The following PRKG1 variants were observed in gnomAD, a reference collection of about 807,000 sequenced individuals.
PRKG1 encodes the protein protein kinase cGMP-dependent 1.
Under a neutral mutation model 88.1 loss-of-function variants are expected in PRKG1, and 35 were observed. That is an observed-to-expected ratio of 0.40 (90% CI 0.30 to 0.53). The LOEUF (loss-of-function observed/expected upper bound fraction) is 0.53. Among genes scored for constraint, PRKG1 ranks in the 20% least tolerant of loss-of-function variants. PRKG1 has a pLI of 0.59. For synonymous variants in PRKG1, 303 were observed against 292.5 expected (o/e 1.04, Z -0.37); for missense variants, 540 against 839.8 (o/e 0.64, Z 4.41).
intron 1 of PRKG1, among the ~76,000 whole-genome samples, chr10:50,992,952 G>A (rs1431035300): frequency 6.6e-6 from 1 of 151,988 alleles, no homozygotes; most frequent in African/African-American, 2.4e-5. Context: ...GGGCCCTCAG[G>A]GGACTCCTAA....
rs1032911570 is a variant in PRKG1 at position 51,321,361 on chromosome 10, A to C, written c.479-146362A>C. ...ATGCTTTGCACAGTACATGGCACAT[A>C]AGAAGCAAACAATAACTATTAACCA... On this transcript the variant is annotated intron_variant, in intron 2 of 17. Transcript: ENST00000373980. Among the ~76,000 whole-genome samples, 5 of 152,334 alleles carry C rather than the reference A, an allele frequency of 3.3e-5. No individual in the cohort carries two copies. In the East Asian group the frequency reaches 9.6e-4, roughly 29 times the overall value.
chr10:51,200,413 G>A (rs944472134), intron 2 of PRKG1, among the ~76,000 whole-genome samples: 2 of 152,206 alleles, frequency 1.3e-5, no homozygotes, highest in Non-Finnish European at 2.9e-5. Context: ...AGATTATGAA[G>A]GGTTTGAATG....
At chr10:51,816,424 T>G (rs1564658653) in intron 4 of PRKG1, among the ~76,000 whole-genome samples, 1 of 152,132 alleles carries the variant, frequency 6.6e-6, no homozygotes, top group Non-Finnish European at 1.5e-5. Flanking sequence ...AAAAGTAATG[T>G]CAATTGGTGA....
chr10:51,181,649 C>A lies in PRKG1; in HGVS notation c.478+28319C>A, dbSNP rs567597874. Among the ~76,000 whole-genome samples, 234 of 152,282 alleles carry A rather than the reference C, an allele frequency of 1.5e-3. 1 individual carries two copies. The highest frequency in any genetic ancestry group is 5.6e-3 in the African/African-American group (232 of 41,566). ...TCAGAACTACATTTAGTGATACTCACCATGTGCCAGACACTGTTCTTAGTA... is the reference window on the plus strand; with the variant it reads ...TCAGAACTACATTTAGTGATACTCAACATGTGCCAGACACTGTTCTTAGTA... On this transcript the variant is annotated intron_variant, in intron 2 of 17. Coordinates refer to ENST00000373980, the MANE Select transcript of PRKG1 (RefSeq NM_006258.4).
intron 3 of PRKG1, among the ~76,000 whole-genome samples, chr10:51,601,713 C>G (rs925668988): frequency 3.6e-5 from 3 of 84,186 alleles, no homozygotes; most frequent in Non-Finnish European, 7.1e-5. Context: ...AATAAAGTGG[C>G]AGATTGAATT....
chr10:51,907,237 G>A (rs187480547), intron 4 of PRKG1, among the ~76,000 whole-genome samples: 8 of 152,170 alleles, frequency 5.3e-5, no homozygotes, highest in Admixed American at 5.2e-4. Context: ...ACAGTGATTT[G>A]GACTCAGTCT....
At chr10:51,741,145 GA>G (rs35810235) in intron 3 of PRKG1, among the ~76,000 whole-genome samples, 33 of 147,536 alleles carry the variant, frequency 2.2e-4, no homozygotes, top group Admixed American at 4.7e-4. Context: ...AACCTTTGGT[GA>G]AAAAAAAAAG....
intron 3 of PRKG1, among the ~76,000 whole-genome samples, chr10:51,502,060 CA>C (rs919753658): frequency 6.6e-5 from 10 of 151,990 alleles, no homozygotes; most frequent in Admixed American, 3.9e-4. Flanking sequence ...CACAAATAAA[CA>C]AAAAAATACT....
chr10:52,124,569 A>G (rs1847889159), intron 7 of PRKG1, among the ~76,000 whole-genome samples: 1 of 152,160 alleles, frequency 6.6e-6, no homozygotes, highest in South Asian at 2.1e-4. Context: ...ATTACTGTAC[A>G]CCACTGTAGA....
At chr10:51,254,786 G>T (rs1394710449) in intron 2 of PRKG1, among the ~76,000 whole-genome samples, 1 of 151,970 alleles carries the variant, frequency 6.6e-6, no homozygotes, top group Non-Finnish European at 1.5e-5. Flanking sequence ...GAAAAACTGA[G>T]ATTTTCATTG....
At chr10:51,894,624 G>A (rs1841799176) in intron 4 of PRKG1, among the ~76,000 whole-genome samples, 1 of 152,066 alleles carries the variant, frequency 6.6e-6, no homozygotes, top group Admixed American at 6.6e-5. Context: ...CTTGAATCAG[G>A]GTATCCAATG....
chr10:51,316,422 G>T (rs369205993), intron 2 of PRKG1, among the ~76,000 whole-genome samples: 1 of 152,136 alleles, frequency 6.6e-6, no homozygotes, highest in African/African-American at 2.4e-5. Flanking sequence ...AGTGGCTCAC[G>T]CCTGTAATTC....
chr10:51,445,599 T>C (rs545365830), intron 2 of PRKG1, among the ~76,000 whole-genome samples: 5 of 152,088 alleles, frequency 3.3e-5, no homozygotes, highest in African/African-American at 1.2e-4. Context: ...AAGTAGTTAA[T>C]TTGTAGAAAA....
At chr10:51,909,104 AGG>A (rs1445283071) in intron 5 of PRKG1, 6 of 152,206 alleles carry the variant, frequency 3.9e-5, no homozygotes, top group Admixed American at 3.9e-4. Context: ...AGAGAAAGAG[AGG>A]AATCAAGGGG....
intron 1 of PRKG1, among the ~76,000 whole-genome samples, chr10:51,093,801 TACACACACACACAC>T (rs57772981): frequency 7.8e-6 from 1 of 127,682 alleles, no homozygotes; most frequent in African/African-American, 2.9e-5. Flanking sequence ...TATATATATA[TACACACACACACAC>T]ACACACACAC....
chr10:51,639,436 C>CAAAAAAAA (rs769304908), intron 3 of PRKG1, among the ~76,000 whole-genome samples: 17 of 31,796 alleles, frequency 5.3e-4, no homozygotes, highest in African/African-American at 1.5e-3. Context: ...GACTCCATCT[C>CAAAAAAAA]AAAAAAAAAA....
intron 2 of PRKG1, among the ~76,000 whole-genome samples, chr10:51,236,239 T>C (rs956746016): frequency 2.6e-5 from 4 of 152,160 alleles, no homozygotes; most frequent in Non-Finnish European, 5.9e-5. Flanking sequence ...AATTAATCAA[T>C]AAATTTGATA....
intron 4 of PRKG1, among the ~76,000 whole-genome samples, chr10:51,877,131 C>T (rs1021928734): frequency 5.3e-5 from 8 of 151,866 alleles, no homozygotes; most frequent in African/African-American, 1.9e-4. Flanking sequence ...CCCCATGCAC[C>T]CTCCCATGTT....
At chr10:51,445,149 C>T (rs552063754) in intron 2 of PRKG1, among the ~76,000 whole-genome samples, 1 of 151,858 alleles carries the variant, frequency 6.6e-6, no homozygotes, top group East Asian at 1.9e-4. Context: ...TTAATTAATT[C>T]ACATTTAAAT....
Sources: allele counts gnomAD v4.1 joint callset (sites outside exome capture counted in the v4.1 genomes callset), GRCh38; gene constraint gnomAD v4.1.1; transcripts MANE v1.5; gene names NCBI Gene and HGNC (gene_info 2026-07-23, HGNC 2026-07-21).